Variants in SLC8A1 observed in about 807,000 individuals in gnomAD.
SLC8A1 encodes sodium/calcium exchanger 1.
A neutral mutation model predicts 68.3 loss-of-function variants in SLC8A1; 18 were observed. That is an observed-to-expected ratio of 0.26 (90% CI 0.18 to 0.39). SLC8A1 has a LOEUF of 0.39. SLC8A1 is among the 10% of genes least tolerant of loss of function. The pLI, the probability that SLC8A1 is intolerant of heterozygous loss-of-function variation, is 1.00. For missense variants in SLC8A1, 985 were observed against 1,156.7 expected, an observed-to-expected ratio of 0.85 and a Z score of 2.15; for synonymous variants, 475 against 415.5, an observed-to-expected ratio of 1.14 and a Z score of -1.74.
chr2:40,439,635 G>T (rs180710060), intron 1 of SLC8A1, among the ~76,000 whole-genome samples: 26 of 152,060 alleles, frequency 1.7e-4, no homozygotes, highest in Admixed American at 1.6e-3. Context: ...GTGAGCAGAG[G>T]CTGGTGAATT....
At chr2:40,180,009 TAA>T (rs1218117572) in intron 2 of SLC8A1, among the ~76,000 whole-genome samples, 1 of 152,136 alleles carries the variant, frequency 6.6e-6, no homozygotes, top group Non-Finnish European at 1.5e-5. Flanking sequence ...TTCTCACTCC[TAA>T]AAAGCTGCAG....
intron 2 of SLC8A1, among the ~76,000 whole-genome samples, chr2:40,383,778 C>A (rs369509190): frequency 1.3e-5 from 2 of 152,088 alleles, no homozygotes; most frequent in Non-Finnish European, 2.9e-5. Context: ...ACAGAAGTCA[C>A]AGACTGTGGT....
chr2:40,202,133 G>A (rs536438368), intron 2 of SLC8A1, among the ~76,000 whole-genome samples: 59 of 152,044 alleles, frequency 3.9e-4, no homozygotes, highest in Middle Eastern at 3.4e-3. Flanking sequence ...CAAAGTGCAA[G>A]GAATGAAAAT....
chr2:40,346,255 A>T (rs549158366), intron 2 of SLC8A1, among the ~76,000 whole-genome samples: 3 of 152,082 alleles, frequency 2.0e-5, no homozygotes, highest in South Asian at 4.2e-4. Context: ...GAGTGACGAG[A>T]TGGCTGAGAC....
chr2:40,201,989 T>C (rs2054459766), intron 2 of SLC8A1, among the ~76,000 whole-genome samples: 2 of 151,946 alleles, frequency 1.3e-5, no homozygotes, highest in Admixed American at 6.6e-5. Context: ...TATAAAAGCA[T>C]GTGTATATGC....
chr2:40,369,892 A>AG (rs1677482344), intron 2 of SLC8A1, among the ~76,000 whole-genome samples: 1 of 151,690 alleles, frequency 6.6e-6, no homozygotes, highest in Non-Finnish European at 1.5e-5. Flanking sequence ...AAATAAAAAA[A>AG]CTGCTTAAAT....
intron 2 of SLC8A1, among the ~76,000 whole-genome samples, chr2:40,356,344 G>A (rs1405425916): frequency 6.6e-6 from 1 of 152,054 alleles, no homozygotes; most frequent in South Asian, 2.1e-4. Context: ...CTGAATCAAG[G>A]TATGAAAAAC....
intron 2 of SLC8A1, among the ~76,000 whole-genome samples, chr2:40,336,611 G>T (rs1407293436): frequency 6.6e-6 from 1 of 152,096 alleles, no homozygotes; most frequent in African/African-American, 2.4e-5. Flanking sequence ...CCAGTCATTG[G>T]TCTAGGCTTC....
At chr2:40,140,170 A>G (rs2041279766) in intron 6 of SLC8A1, among the ~76,000 whole-genome samples, 1 of 152,144 alleles carries the variant, frequency 6.6e-6, no homozygotes, top group Admixed American at 6.5e-5. Flanking sequence ...CATGGCTCTG[A>G]GCCTTGCATA....
chr2:40,503,151 A>G lies in SLC8A1; in HGVS notation c.-25+9198T>C, dbSNP rs1559776698. ...GATATACCTCAATAAAGAGTAAACA[A>G]AAGAAAACAACAAAGCACCTTTTGT... is the stretch of plus-strand genomic sequence containing the variant. On this transcript the variant is annotated intron_variant, in intron 1 of 7. Coordinates refer to the SLC8A1 transcript ENST00000402441. 2.6e-5 allele frequency among the ~76,000 whole-genome samples: 4 copies of G among 152,048 alleles called. No individual in the cohort carries two copies. In the South Asian group the frequency reaches 8.3e-4, roughly 31 times the overall value.
At chr2:40,388,637 T>C (rs906691658) in intron 2 of SLC8A1, among the ~76,000 whole-genome samples, 2 of 152,140 alleles carry the variant, frequency 1.3e-5, no homozygotes, top group African/African-American at 4.8e-5. Context: ...TTTTTGACAA[T>C]TTTGTTGGAA....
In SLC8A1 at chr2:40,436,610, G is replaced by A. The variant is rs1699472647; in HGVS notation, c.-24-6306C>T. On this transcript the variant is annotated intron_variant, in intron 1 of 7. Transcript: ENST00000406785. ...CTGTTAAGAGGGCCCTAACACTTTG[G>A]ACATACTCAAGGAAGTACATCTTCC... Among the ~76,000 whole-genome samples the A allele has an allele frequency of 3.3e-5, 5 of 152,038 alleles. No individual in the cohort carries two copies. In the South Asian group the frequency reaches 1.0e-3, roughly 32 times the overall value.
chr2:40,334,576 G>A (rs1665324916), intron 2 of SLC8A1, among the ~76,000 whole-genome samples: 1 of 152,110 alleles, frequency 6.6e-6, no homozygotes, highest in South Asian at 2.1e-4. Context: ...CTACCCTGGA[G>A]AAGGAAGAAG....
At chr2:40,139,216 G>A (rs900900570) in intron 7 of SLC8A1, among the ~76,000 whole-genome samples, 185 bp downstream of exon 10, 22 of 152,086 alleles carry the variant, frequency 1.4e-4, no homozygotes, top group Admixed American at 8.5e-4. Flanking sequence ...GACACTGACC[G>A]GCTTTTGAAC....
intron 2 of SLC8A1, among the ~76,000 whole-genome samples, chr2:40,394,496 G>A (rs1014685320): frequency 1.6e-4 from 24 of 151,778 alleles, no homozygotes; most frequent in African/African-American, 5.3e-4. Flanking sequence ...GAAACAGAGC[G>A]GTAGCAAGCA....
chr2:40,190,008 C>T (rs948388902), intron 2 of SLC8A1: 1 of 152,120 alleles, frequency 6.6e-6, no homozygotes, highest in African/African-American at 2.4e-5. Context: ...TCATTACTAA[C>T]CTTTTGGCTG....
At chr2:40,489,961 T>C (rs756780337) in intron 1 of SLC8A1, among the ~76,000 whole-genome samples, 5 of 152,116 alleles carry the variant, frequency 3.3e-5, no homozygotes, top group Non-Finnish European at 7.4e-5. Flanking sequence ...TTACATTCAC[T>C]TGATGATACA....
chr2:40,449,026 T>C (rs1209317976), intron 1 of SLC8A1, among the ~76,000 whole-genome samples: 1 of 152,094 alleles, frequency 6.6e-6, no homozygotes, highest in East Asian at 1.9e-4. Flanking sequence ...CTAATTTATA[T>C]TTCAGTTTGA....
intron 2 of SLC8A1, among the ~76,000 whole-genome samples, chr2:40,402,238 C>T (rs1284219391): frequency 6.6e-6 from 1 of 152,146 alleles, no homozygotes; most frequent in African/African-American, 2.4e-5. Flanking sequence ...AAGACACTCC[C>T]ACCAGCACCA....
Sources: gnomAD v4.1 joint callset for allele counts (sites outside exome capture counted in the v4.1 genomes callset) on GRCh38, gnomAD v4.1.1 for gene constraint, MANE v1.5 for transcripts, NCBI Gene and HGNC (gene_info 2026-07-23, HGNC 2026-07-21) for gene names.